The following DGKI variants were observed in gnomAD, a reference collection of about 807,000 sequenced individuals.
The protein encoded by DGKI is DAG kinase iota.
DGKI carries 55 observed loss-of-function variants against 147.5 expected under a neutral mutation model. That is an observed-to-expected ratio of 0.37 (90% CI 0.30 to 0.47). The LOEUF (loss-of-function observed/expected upper bound fraction) is 0.47, where lower values mean the gene tolerates loss of function less well. DGKI is among the 20% of genes least tolerant of loss of function. DGKI has a pLI of 1.00. For missense variants in DGKI, 1,007 were observed against 1,323.8 expected (o/e 0.76, Z 3.71); for synonymous variants, 469 against 477.1 (o/e 0.98, Z 0.22).
intron 27 of DGKI, among the ~76,000 whole-genome samples, chr7:137,456,418 C>T (rs532705079): frequency 1.3e-5 from 2 of 152,096 alleles, no homozygotes; most frequent in African/African-American, 2.4e-5. Context: ...GACAAAGCAC[C>T]TTTTCTATCA....
At chr7:137,552,142 A>G (rs1818066578) in intron 20 of DGKI, among the ~76,000 whole-genome samples, 1 of 152,228 alleles carries the variant, frequency 6.6e-6, no homozygotes, top group Admixed American at 6.5e-5. Context: ...AAGAAGAATC[A>G]TCTATCTCAT....
chr7:137,496,468 T>C (rs919610446), intron 21 of DGKI, among the ~76,000 whole-genome samples: 1 of 151,618 alleles, frequency 6.6e-6, no homozygotes, highest in Non-Finnish European at 1.5e-5. Flanking sequence ...ATTTTAAAAA[T>C]CATATGAACC....
At position 137,492,852 on chromosome 7, in the gene DGKI, G is replaced by T. The variant is rs371898764; in HGVS notation, c.2249-5163C>A. ...GTGCAGCCGCAGATGCCTAACTGGGGTGTCTCCCAGGGACATGCATAATAG... is the reference window on the plus strand; with the variant it reads ...GTGCAGCCGCAGATGCCTAACTGGGTTGTCTCCCAGGGACATGCATAATAG... On this transcript the variant is annotated intron_variant, in intron 21 of 32. Coordinates refer to ENST00000614521, the MANE Select transcript of DGKI (RefSeq NM_001321708.2). Among the ~76,000 whole-genome samples the T allele has an allele frequency of 7.9e-5, 12 of 152,312 alleles. No homozygotes were observed. In the East Asian group the frequency reaches 1.7e-3, roughly 22 times the overall value.
At chr7:137,684,904 G>A (rs745679420) in intron 2 of DGKI, among the ~76,000 whole-genome samples, 3 of 152,216 alleles carry the variant, frequency 2.0e-5, no homozygotes, top group Non-Finnish European at 2.9e-5. Flanking sequence ...AAACAGGACT[G>A]AAATGAGAAC....
intron 31 of DGKI, among the ~76,000 whole-genome samples, chr7:137,397,068 G>A (rs929509736): frequency 2.0e-4 from 31 of 152,216 alleles, no homozygotes; most frequent in African/African-American, 7.5e-4. Flanking sequence ...TATATTAAAA[G>A]GTAAGTGTAA....
At chr7:137,432,659 C>T (rs1205737959) in intron 28 of DGKI, among the ~76,000 whole-genome samples, 1 of 152,066 alleles carries the variant, frequency 6.6e-6, no homozygotes, top group Non-Finnish European at 1.5e-5. Context: ...GACCTCATGG[C>T]TAATATGGAA....
chr7:137,722,759 T>C, intron 1 of DGKI: 1 of 1,511,240 alleles, frequency 6.6e-7, no homozygotes, highest in Admixed American at 1.7e-5. Context: ...TCACAAATTT[T>C]ACCAAAAATC....
chr7:137,563,019 A>G (rs1818467375), intron 19 of DGKI, among the ~76,000 whole-genome samples: 1 of 152,132 alleles, frequency 6.6e-6, no homozygotes, highest in African/African-American at 2.4e-5. Context: ...GCTTAACAAA[A>G]TATTAGTAAA....
chr7:137,675,797 G>A (rs2116377614), intron 3 of DGKI, among the ~76,000 whole-genome samples: 1 of 152,126 alleles, frequency 6.6e-6, no homozygotes, highest in Middle Eastern at 3.4e-3. Flanking sequence ...GGTTTCCCAG[G>A]TAATGTTTGT....
intron 7 of DGKI, 79 bp from the exon 8 acceptor site, chr7:137,620,019 GCACACACACACACACACA>G (rs3839659): frequency 9.0e-5 from 45 of 502,464 alleles, no homozygotes; most frequent in Non-Finnish European, 1.4e-4. Flanking sequence ...ATGTACACAC[GCACACACACACACACACA>G]CACACACACA....
intron 7 of DGKI, among the ~76,000 whole-genome samples, chr7:137,620,676 A>C (rs959763795): frequency 3.3e-5 from 5 of 152,210 alleles, no homozygotes; most frequent in Non-Finnish European, 7.3e-5. Context: ...GCTAACGATC[A>C]TAACAATACC....
chr7:137,700,700 A>C (rs999433353), intron 1 of DGKI, among the ~76,000 whole-genome samples: 7 of 152,070 alleles, frequency 4.6e-5, no homozygotes, highest in Non-Finnish European at 7.4e-5. Flanking sequence ...CAACATGGTG[A>C]AACCTCTTCT....
rs1477478281 is a variant in DGKI at position 137,768,569 on chromosome 7, AG to A, written c.401+77892del. 5.3e-5 allele frequency among the ~76,000 whole-genome samples: 8 copies of A among 152,314 alleles called. No homozygotes were observed. In the East Asian group the frequency reaches 1.4e-3, roughly 26 times the overall value. ...CCAGCTGCTTTAAAACCAAACAAAAAGTAAGCAAAGGGCACATTTCCAGGGG... is the reference window on the plus strand; with the variant it reads ...CCAGCTGCTTTAAAACCAAACAAAAATAAGCAAAGGGCACATTTCCAGGGG... On this transcript the variant is annotated intron_variant, in intron 1 of 32. Transcript: ENST00000614521.
chr7:137,566,897 T>C (rs1563088853), intron 19 of DGKI, among the ~76,000 whole-genome samples: 4 of 106,068 alleles, frequency 3.8e-5, no homozygotes, highest in African/African-American at 2.1e-4. Context: ...TTTTGAGATA[T>C]TCTCTCTTTT....
intron 1 of DGKI, among the ~76,000 whole-genome samples, chr7:137,712,691 G>C (rs1351381003): frequency 6.6e-6 from 1 of 152,158 alleles, no homozygotes; most frequent in Non-Finnish European, 1.5e-5. Context: ...CTCTTTGGAA[G>C]ATTCTGAATG....
At chr7:137,552,109 A>AATATATTC (rs1378094601) in intron 20 of DGKI, among the ~76,000 whole-genome samples, 1 of 152,216 alleles carries the variant, frequency 6.6e-6, no homozygotes, top group Non-Finnish European at 1.5e-5. Flanking sequence ...AGTCCCAGTA[A>AATATATTC]ATATATTCTC....
intron 1 of DGKI, among the ~76,000 whole-genome samples, chr7:137,712,212 T>C (rs1357824384): frequency 6.6e-6 from 1 of 152,208 alleles, no homozygotes; most frequent in African/African-American, 2.4e-5. Context: ...AGCAACAGAC[T>C]TCAGAGGTTA....
At chr7:137,825,694 A>G (rs2117050655) in intron 1 of DGKI, among the ~76,000 whole-genome samples, 1 of 151,854 alleles carries the variant, frequency 6.6e-6, no homozygotes, top group East Asian at 1.9e-4. Context: ...ATACACACAC[A>G]CATACACATA....
chr7:137,682,793 T>G (rs1318273354), intron 2 of DGKI, among the ~76,000 whole-genome samples: 1 of 152,198 alleles, frequency 6.6e-6, no homozygotes, highest in Non-Finnish European at 1.5e-5. Flanking sequence ...TCCTCCATGA[T>G]TTTTTGTCTT....
Sources: allele counts gnomAD v4.1 joint callset (sites outside exome capture counted in the v4.1 genomes callset), GRCh38; gene constraint gnomAD v4.1.1; transcripts MANE v1.5; gene names NCBI Gene and HGNC (gene_info 2026-07-23, HGNC 2026-07-21).